ASB2: variants seen among roughly 807,000 people sequenced by gnomAD.
The protein encoded by ASB2 is ankyrin repeat and SOCS box protein 2.
ASB2 carries 58 observed loss-of-function variants against 62.4 expected under a neutral mutation model. That is an observed-to-expected ratio of 0.93 (90% CI 0.75 to 1.16). ASB2 has a LOEUF of 1.16. Ranked by LOEUF, ASB2 falls within the 50% of genes most tolerant of loss-of-function variation. The probability of loss-of-function intolerance (pLI) is 0.00; values close to 1 mark genes in which losing one functional copy is unlikely to be tolerated. For synonymous variants in ASB2, 386 were observed against 385.3 expected (o/e 1.00, Z -0.02); for missense variants, 928 against 887.9 (o/e 1.05, Z -0.57).
chr14:93,953,563 A>C, intron 4 of ASB2, 56 bp from the exon 5 acceptor site: 1 of 1,447,008 alleles, frequency 6.9e-7, no homozygotes, highest in Non-Finnish European at 9.3e-7. Context: ...GCCCCGCAAC[A>C]CAGAGGCTTT....
At chr14:93,962,419 G>A (rs964877046) in intron 2 of ASB2, among the ~76,000 whole-genome samples, 1 of 152,180 alleles carries the variant, frequency 6.6e-6, no homozygotes, top group Admixed American at 6.5e-5. Flanking sequence ...CCTCCTTCCA[G>A]AGGCGAAGGC....
chr14:93,950,175 C>T (rs1595312364), intron 6 of ASB2, among the ~76,000 whole-genome samples: 2 of 152,222 alleles, frequency 1.3e-5, no homozygotes, highest in Admixed American at 1.3e-4. Context: ...TGTGTTCACA[C>T]TTAGCAAGTC....
intron 6 of ASB2, among the ~76,000 whole-genome samples, chr14:93,949,316 T>C (rs571174997): frequency 1.6e-4 from 24 of 152,348 alleles, no homozygotes; most frequent in African/African-American, 5.5e-4. Context: ...TGGCGACAGA[T>C]GAGAATCAGC....
intron 2 of ASB2, chr14:93,957,564 C>T (rs1889270485): frequency 4.6e-6 from 1 of 217,962 alleles, no homozygotes; most frequent in South Asian, 1.7e-4. Flanking sequence ...TTAGTCCCCG[C>T]TCCTGCAAGG....
At chr14:93,937,150 G>T (rs1461980538) in intron 9 of ASB2, among the ~76,000 whole-genome samples, 1 of 152,206 alleles carries the variant, frequency 6.6e-6, no homozygotes, top group African/African-American at 2.4e-5. Context: ...TGGCTCCAGG[G>T]TTCAGGGGCC....
chr14:93,955,321 C>T (rs3790050), intron 3 of ASB2: 18,929 of 364,094 alleles, frequency 0.052, 1,930 homozygotes, highest in East Asian at 0.39. Context: ...CTTCCTCCAG[C>T]GTGAGCAGCA....
chr14:93,969,405 T>C (rs1400627369), intron 1 of ASB2, among the ~76,000 whole-genome samples: 2 of 152,196 alleles, frequency 1.3e-5, no homozygotes, highest in African/African-American at 4.8e-5. Context: ...TCTGGAATAG[T>C]AGTTTCTCCA....
chr14:93,961,173 C>G (rs190808831), intron 2 of ASB2, among the ~76,000 whole-genome samples: 1 of 152,152 alleles, frequency 6.6e-6, no homozygotes, highest in African/African-American at 2.4e-5. Context: ...AAGGCTCCAA[C>G]GCCCACCTCA....
chr14:93,942,187 A>G (rs996656066), intron 7 of ASB2: 7 of 455,852 alleles, frequency 1.5e-5, no homozygotes, highest in Non-Finnish European at 2.2e-5. Flanking sequence ...GACTCTTCCC[A>G]CTTCTCCCAC....
intron 1 of ASB2, among the ~76,000 whole-genome samples, chr14:93,973,658 G>A (rs1170700057): frequency 6.6e-6 from 1 of 152,240 alleles, no homozygotes; most frequent in African/African-American, 2.4e-5. Context: ...CCTCCTGAGT[G>A]AAGGGCCCTT....
At chr14:93,945,033 A>G (rs938648268) in intron 7 of ASB2, among the ~76,000 whole-genome samples, 9 of 152,206 alleles carry the variant, frequency 5.9e-5, no homozygotes, top group African/African-American at 9.7e-5. Flanking sequence ...AATTAGATCA[A>G]TGGTCCCTGC....
In ASB2 at chr14:93,950,215, C is replaced by T. The variant is rs573341723; in HGVS notation, c.880+784G>A. ...ACAGATTCCTACAGTTCAGCCTCAG[C>T]GTCTGGATTACCTCTGGCTTCTCTG... On this transcript the variant is annotated intron_variant, in intron 6 of 9. Coordinates refer to ENST00000555019, the MANE Select transcript of ASB2 (RefSeq NM_001202429.2). Among the ~76,000 whole-genome samples, 14 of 152,336 alleles carry T rather than the reference C, an allele frequency of 9.2e-5. No homozygotes were observed. The South Asian group carries it at 2.5e-3, about 27-fold the overall frequency.
chr14:93,960,722 G>A (rs1299216586), intron 2 of ASB2, among the ~76,000 whole-genome samples: 1 of 152,108 alleles, frequency 6.6e-6, no homozygotes, highest in Non-Finnish European at 1.5e-5. Context: ...TTACGTTGAG[G>A]TGAGACAGAA....
intron 6 of ASB2, among the ~76,000 whole-genome samples, chr14:93,950,338 C>G (rs919368520): frequency 6.6e-6 from 1 of 152,212 alleles, no homozygotes. Flanking sequence ...AAAAGCAAGT[C>G]TGCCATGTCT....
chr14:93,937,243 G>A (rs1039677768), intron 9 of ASB2, among the ~76,000 whole-genome samples: 1 of 152,168 alleles, frequency 6.6e-6, no homozygotes, highest in Admixed American at 6.5e-5. Context: ...CCCCGGCCCC[G>A]CCCCAGACCT....
chr14:93,939,682 C>T lies in ASB2; in HGVS notation c.1053-10G>A. The T allele has an allele frequency of 9.2e-6, 13 of 1,416,162 alleles. No individual in the cohort carries two copies. The allele number at this position is 1,416,162 out of a possible 1,614,324, so 87.7% of individuals were successfully genotyped here. Reference sequence around the variant, plus strand: ...CAGCATCTGCACGATCCTGCCGGGTCGAGGGGCGGGCGCGGGTGAGGGGAG... The same window carrying T: ...CAGCATCTGCACGATCCTGCCGGGTTGAGGGGCGGGCGCGGGTGAGGGGAG... On this transcript the variant is annotated splice_polypyrimidine_tract_variant and intron_variant, in intron 7 of 9. Transcript: ENST00000555019.
At chr14:93,967,796 G>C (rs1297921314) in intron 1 of ASB2, among the ~76,000 whole-genome samples, 1 of 152,166 alleles carries the variant, frequency 6.6e-6, no homozygotes, top group African/African-American at 2.4e-5. Flanking sequence ...TGGGGGAACA[G>C]AAAACCCGGG....
At chr14:93,963,409 G>A (rs1311073704) in intron 2 of ASB2, among the ~76,000 whole-genome samples, 2 of 152,076 alleles carry the variant, frequency 1.3e-5, no homozygotes, top group Non-Finnish European at 2.9e-5. Context: ...GGGGTGAGGA[G>A]CAAAAGCAAT....
intron 1 of ASB2, among the ~76,000 whole-genome samples, chr14:93,968,957 G>T (rs61980696): frequency 0.03 from 4,615 of 152,340 alleles, 99 homozygotes; most frequent in African/African-American, 0.058. Flanking sequence ...TGCCTTTGAA[G>T]AGGCAAATTT....
Sources: allele counts gnomAD v4.1 joint callset (sites outside exome capture counted in the v4.1 genomes callset), GRCh38; gene constraint gnomAD v4.1.1; transcripts MANE v1.5; gene names NCBI Gene and HGNC (gene_info 2026-07-23, HGNC 2026-07-21).